The following CYP51A1 variants were observed in gnomAD, a reference collection of about 807,000 sequenced individuals.
CYP51A1 encodes cytochrome P450 family 51 subfamily A member 1.
In CYP51A1, 45 loss-of-function variants were observed where a neutral mutation model predicts 53.5. That is an observed-to-expected ratio of 0.84 (90% CI 0.66 to 1.08). CYP51A1 has a LOEUF of 1.08. Ranked by LOEUF, CYP51A1 falls within the 50% of genes least tolerant of loss-of-function variation. CYP51A1 has a pLI of 0.00. For missense variants in CYP51A1, 462 were observed against 621.7 expected (o/e 0.74, Z 2.73); for synonymous variants, 181 against 217.7 (o/e 0.83, Z 1.48).
chr7:92,124,914 C>T (rs901020399), intron 5 of CYP51A1, among the ~76,000 whole-genome samples: 8 of 152,098 alleles, frequency 5.3e-5, no homozygotes, highest in East Asian at 1.9e-4. Context: ...GAGGCCGAGG[C>T]GGGCGGATCA....
chr7:92,112,496 A>G lies in CYP51A1; in HGVS notation c.*1169T>C, dbSNP rs1459915972. ...AAAAGTTTGTTAACTGTTTTAATCA[A>G]TATGAGTAGTAACAAACATCCCTAA... On this transcript the variant is annotated 3_prime_UTR_variant, in exon 10 of 10. Transcript: ENST00000003100. 1 of 152,228 alleles carries G rather than the reference A, an allele frequency of 6.6e-6. No homozygotes were observed. The highest frequency in any genetic ancestry group is 1.5e-5 in the Non-Finnish European group (1 of 68,040). 9.4% of individuals were successfully genotyped at this position (152,228 alleles called of 1,614,324 possible). A position where few individuals can be genotyped will look rare whatever the true frequency, so the allele number is the denominator to read the frequency against.
At chr7:92,120,199 G>A (rs901783331) in intron 7 of CYP51A1, among the ~76,000 whole-genome samples, 8 of 152,122 alleles carry the variant, frequency 5.3e-5, no homozygotes, top group African/African-American at 9.7e-5. Flanking sequence ...TTAATATGGC[G>A]ATACAATGCA....
chr7:92,119,012 T>A (rs1021836605), intron 7 of CYP51A1, among the ~76,000 whole-genome samples: 42 of 152,344 alleles, frequency 2.8e-4, no homozygotes, highest in African/African-American at 8.2e-4. Context: ...GTAAGTTGTA[T>A]TTCTTTCATC....
chr7:92,117,626 G>T (rs765861018), intron 8 of CYP51A1, among the ~76,000 whole-genome samples: 4 of 152,036 alleles, frequency 2.6e-5, no homozygotes, highest in Non-Finnish European at 4.4e-5. Flanking sequence ...TTAAAACCAA[G>T]AAAAATATGT....
intron 7 of CYP51A1, among the ~76,000 whole-genome samples, chr7:92,120,583 G>A (rs1489431463): frequency 1.3e-5 from 2 of 152,052 alleles, no homozygotes; most frequent in African/African-American, 4.8e-5. Context: ...CACTGCGCCT[G>A]GCTATAATAG....
chr7:92,123,200 C>A lies in CYP51A1; in HGVS notation c.1006G>T (p.Asp336Tyr). 6.2e-7 allele frequency: 1 copy of A among 1,614,016 alleles called. No individual in the cohort carries two copies. Among genetic ancestry groups the A allele is most frequent in the Non-Finnish European group, 8.5e-7 (1 of 1,179,930 alleles). ...TAACATTTTTTTTGAAGTGTTTTGTCTCTGGCCAAAAAGAAGCCCATCCAA... is the reference window on the plus strand; with the variant it reads ...TAACATTTTTTTTGAAGTGTTTTGTATCTGGCCAAAAAGAAGCCCATCCAA... ...SAWMGFFLARDKTLQKKCYLE... is the reference protein window; with the variant it reads ...SAWMGFFLARYKTLQKKCYLE... Residue 336 changes from aspartate (D) to tyrosine (Y), a missense_variant, in exon 7 of 10, where the codon GAC (aspartate) becomes TAC (tyrosine). Coordinates refer to ENST00000003100, the MANE Select transcript of CYP51A1 (RefSeq NM_000786.4).
intron 7 of CYP51A1, among the ~76,000 whole-genome samples, chr7:92,119,518 AAAGT>A (rs1819644226): frequency 6.6e-6 from 1 of 152,146 alleles, no homozygotes; most frequent in South Asian, 2.1e-4. Flanking sequence ...GATGCCCACT[AAAGT>A]AAGCAAGCAG....
intron 7 of CYP51A1, among the ~76,000 whole-genome samples, chr7:92,120,100 T>C (rs1819659581): frequency 2.6e-5 from 4 of 152,152 alleles, no homozygotes; most frequent in Non-Finnish European, 5.9e-5. Flanking sequence ...CCAAAAACTA[T>C]AAAACATTGT....
rs1449788005 is a variant in CYP51A1 at position 92,113,828 on chromosome 7, A to G, written c.1367T>C (p.Ile456Thr). Residue 456 changes from isoleucine to threonine, a missense_variant, in exon 10 of 10, where the codon ATT becomes ACT. Transcript: ENST00000003100. ...VPFGAGRHRC[I>T]GENFAYVQIK... ...TTGAACATAGGCAAAATTTTCCCCA[A>G]TACAACGATGACGCCCTAAAAAAAA... The G allele has an allele frequency of 1.3e-6, 2 of 1,599,904 alleles. No homozygotes were observed. Among genetic ancestry groups the G allele is most frequent in the African/African-American group, 1.4e-5 (1 of 74,072 alleles).
In CYP51A1 at chr7:92,113,606, T is replaced by C. The variant is rs150868543; in HGVS notation, c.*59A>G. On this transcript the variant is annotated 3_prime_UTR_variant, in exon 10 of 10. Coordinates refer to ENST00000003100, the MANE Select transcript of CYP51A1 (RefSeq NM_000786.4). ...GAGTTGTTTTGTACACTTCATTCTCTTCGAATGCCTTTGTGGCTTACAGTG... is the reference window on the plus strand; with the variant it reads ...GAGTTGTTTTGTACACTTCATTCTCCTCGAATGCCTTTGTGGCTTACAGTG... 227 of 1,491,170 alleles carry C rather than the reference T, an allele frequency of 1.5e-4. 1 individual carries two copies. In the Middle Eastern group the frequency reaches 3.4e-3, roughly 22 times the overall value. 92.4% of individuals were successfully genotyped at this position (1,491,170 alleles called of 1,614,324 possible). A position where few individuals can be genotyped will look rare whatever the true frequency, so the allele number is the denominator to read the frequency against.
At chr7:92,125,503 A>T (rs376596123) in intron 5 of CYP51A1, among the ~76,000 whole-genome samples, 1 of 152,372 alleles carries the variant, frequency 6.6e-6, no homozygotes, top group East Asian at 1.9e-4. Flanking sequence ...CCTAAGAGCA[A>T]TATTTCTTTA....
At position 92,127,454 on chromosome 7, in the gene CYP51A1, T is replaced by C. The variant is rs1819822832; in HGVS notation, c.595+51A>G. 4 of 1,557,514 alleles carry C rather than the reference T, an allele frequency of 2.6e-6. No homozygotes were observed. In the East Asian group the frequency reaches 9.0e-5, roughly 35 times the overall value. ...TACACACATATATACTCTACTTTTC[T>C]ATTCACAGAGAAGTAGAAATGTTAG... On this transcript the variant is annotated intron_variant, in intron 4 of 9. Coordinates refer to ENST00000003100, the MANE Select transcript of CYP51A1 (RefSeq NM_000786.4).
intron 9 of CYP51A1, 71 bp downstream of exon 9, chr7:92,116,973 T>G: frequency 6.9e-7 from 1 of 1,441,442 alleles, no homozygotes; most frequent in South Asian, 1.4e-5. Context: ...TAAACACAAT[T>G]CGGAATATTT....
intron 9 of CYP51A1, among the ~76,000 whole-genome samples, 191 bp downstream of exon 9, chr7:92,116,853 T>C (rs1819588257): frequency 1.3e-5 from 2 of 152,218 alleles, no homozygotes; most frequent in South Asian, 2.1e-4. Flanking sequence ...TAAGGATTTA[T>C]GGAACAATTC....
rs1250361798 is a variant in CYP51A1 at position 92,131,864 on chromosome 7, A to C, written c.201T>G (p.Pro67=). ...LVQLPAGVKS[P]PYIFSPIPFL... is the part of the protein sequence containing the mutation. ...ATGGAATTGGGGAGAAAATGTATGG[A>C]GGACTTTTCTACAAGAGAAAAAAAT... is the stretch of plus-strand genomic sequence containing the variant. Residue 67 remains proline (P), a synonymous_variant, in exon 2 of 10, where the codon CCT becomes CCG. Transcript: ENST00000003100. The C allele has an allele frequency of 6.3e-7, 1 of 1,577,030 alleles. No homozygotes were observed. The highest frequency in any genetic ancestry group is 8.7e-7 in the Non-Finnish European group (1 of 1,148,554).
In CYP51A1 at chr7:92,127,587, T is replaced by C; in HGVS notation, c.513A>G (p.Ile171Met). 2 of 1,613,522 alleles carry C rather than the reference T, an allele frequency of 1.2e-6. No homozygotes were observed. ...TAGAAACATGCTGTTTAAAGTGGGC[T>C]ATGTTAAGGCCACTTTTTAACATTT... ...QKKMLKSGLN[I>M]AHFKQHVSII... is the part of the protein sequence containing the mutation. The change falls in exon 4 of 10, where the codon ATA (isoleucine) becomes ATG (methionine). Residue 171 changes from isoleucine (I) to methionine (M), a missense_variant. Ile to Met is a conservative substitution (Grantham distance 10). Transcript: ENST00000003100.
At position 92,113,227 on chromosome 7, in the gene CYP51A1, T is replaced by C; in HGVS notation, c.*438A>G. On this transcript the variant is annotated 3_prime_UTR_variant, in exon 10 of 10. Coordinates refer to ENST00000003100, the MANE Select transcript of CYP51A1 (RefSeq NM_000786.4). The stretch of plus-strand genomic sequence containing the variant: ...CTTCCATCCTCACACACACAATAAT[T>C]GCCCAGATAAATAATAATAAACTGT... 1 of 156,500 alleles carries C rather than the reference T, an allele frequency of 6.4e-6. No homozygotes were observed. The highest frequency in any genetic ancestry group is 1.4e-5 in the Non-Finnish European group (1 of 71,158). The allele number at this position is 156,500 out of a possible 1,614,324, so 9.7% of individuals were successfully genotyped here.
chr7:92,134,599 G>A (rs1820007956), upstream of CYP51A1: 2 of 503,442 alleles, frequency 4.0e-6, no homozygotes, highest in African/African-American at 2.0e-5. Flanking sequence ...TTCTTGCGCG[G>A]GATAGGGCAC....
At chr7:92,121,979 T>G (rs984212524) in intron 7 of CYP51A1, among the ~76,000 whole-genome samples, 1 of 152,190 alleles carries the variant, frequency 6.6e-6, no homozygotes, top group African/African-American at 2.4e-5. Flanking sequence ...ATATATCAGT[T>G]AAGCTGTTAT....
Sources: allele counts gnomAD v4.1 joint callset (sites outside exome capture counted in the v4.1 genomes callset), GRCh38; gene constraint gnomAD v4.1.1; transcripts MANE v1.5; gene names NCBI Gene and HGNC (gene_info 2026-07-23, HGNC 2026-07-21).